Variants in CDK8 observed in about 807,000 individuals in gnomAD.
CDK8 encodes the protein cyclin dependent kinase 8, also known as cyclin-dependent kinase 8.
Under a neutral mutation model 71.5 loss-of-function variants are expected in CDK8, and 29 were observed. The observed-to-expected ratio is 0.41, with a 90% CI of 0.30 to 0.55. CDK8 has a LOEUF of 0.55. CDK8 is among the 20% of genes least tolerant of loss of function. The pLI is 0.37. For synonymous variants in CDK8, 161 were observed against 192.1 expected, an observed-to-expected ratio of 0.84 and a Z score of 1.34; for missense variants, 288 against 572.6, an observed-to-expected ratio of 0.50 and a Z score of 5.07.
At chr13:26,298,473 T>G (rs927624558) in intron 1 of CDK8, among the ~76,000 whole-genome samples, 2 of 152,186 alleles carry the variant, frequency 1.3e-5, no homozygotes, top group Non-Finnish European at 2.9e-5. Context: ...GGAAAGACTT[T>G]GCAAAGCTCT....
intron 1 of CDK8, among the ~76,000 whole-genome samples, chr13:26,296,041 T>C (rs1189630563): frequency 2.6e-5 from 4 of 152,148 alleles, no homozygotes; most frequent in Non-Finnish European, 4.4e-5. Context: ...AGGATTATGA[T>C]TAGAGTCTGC....
intron 1 of CDK8, among the ~76,000 whole-genome samples, chr13:26,279,149 G>T (rs766054732): frequency 2.0e-5 from 3 of 152,020 alleles, no homozygotes; most frequent in Non-Finnish European, 2.9e-5. Flanking sequence ...AAAAAGGTAG[G>T]GTGGGGGTGG....
At chr13:26,274,171 T>C (rs1872464561) in intron 1 of CDK8, among the ~76,000 whole-genome samples, 1 of 152,146 alleles carries the variant, frequency 6.6e-6, no homozygotes, top group African/African-American at 2.4e-5. Flanking sequence ...TTTTGATATA[T>C]GAAGCTAGAT....
intron 4 of CDK8, among the ~76,000 whole-genome samples, chr13:26,370,635 G>T (rs142732056): frequency 1.3e-5 from 2 of 152,128 alleles, no homozygotes; most frequent in Non-Finnish European, 2.9e-5. Flanking sequence ...AAACAGTCAC[G>T]ATACAGGATT....
At chr13:26,257,651 G>C (rs551385051) in intron 1 of CDK8, among the ~76,000 whole-genome samples, 9 of 152,194 alleles carry the variant, frequency 5.9e-5, no homozygotes, top group Middle Eastern at 6.8e-3. Context: ...CAGAGTTTAG[G>C]CAACCAAACT....
chr13:26,339,597 T>G (rs1235860932), intron 2 of CDK8, among the ~76,000 whole-genome samples: 2 of 148,438 alleles, frequency 1.3e-5, no homozygotes, highest in Non-Finnish European at 3.0e-5. Context: ...CTAATTAGTT[T>G]TTTTTTTTTT....
At chr13:26,266,178 A>T (rs114575573) in intron 1 of CDK8, among the ~76,000 whole-genome samples, 49 of 152,320 alleles carry the variant, frequency 3.2e-4, no homozygotes, top group African/African-American at 1.2e-3. Context: ...GAGCTTTGAT[A>T]TGTTGACTTT....
intron 1 of CDK8, among the ~76,000 whole-genome samples, chr13:26,327,565 A>G (rs1297583530): frequency 6.6e-6 from 1 of 152,254 alleles, no homozygotes; most frequent in African/African-American, 2.4e-5. Context: ...GCGGTGGCTC[A>G]TGCCTGTAAT....
At chr13:26,283,175 A>AGTCC (rs1872837800) in intron 1 of CDK8, among the ~76,000 whole-genome samples, 2 of 152,266 alleles carry the variant, frequency 1.3e-5, no homozygotes, top group Admixed American at 6.5e-5. Context: ...AATGGACTTA[A>AGTCC]ACTATACCAT....
chr13:26,319,740 TC>T, intron 1 of CDK8, among the ~76,000 whole-genome samples: 1 of 151,558 alleles, frequency 6.6e-6, no homozygotes, highest in Non-Finnish European at 1.5e-5. Flanking sequence ...ATATAGAATG[TC>T]TGGGGACTCC....
intron 4 of CDK8, among the ~76,000 whole-genome samples, chr13:26,377,159 G>A (rs1874993595): frequency 6.6e-6 from 1 of 152,238 alleles, no homozygotes; most frequent in South Asian, 2.1e-4. Flanking sequence ...TGATTTTTGA[G>A]TACTGCCAGT....
At chr13:26,360,737 A>C (rs768513385) in intron 4 of CDK8, among the ~76,000 whole-genome samples, 5 of 152,224 alleles carry the variant, frequency 3.3e-5, no homozygotes, top group African/African-American at 7.2e-5. Flanking sequence ...AACAGAAACA[A>C]AGTGGCTTCC....
intron 1 of CDK8, among the ~76,000 whole-genome samples, chr13:26,263,240 A>G (rs968087905): frequency 2.0e-5 from 3 of 151,916 alleles, no homozygotes; most frequent in African/African-American, 4.8e-5. Context: ...GGTTCACGCC[A>G]TTCTCCTGCC....
At chr13:26,265,151 A>C (rs2137860419) in intron 1 of CDK8, among the ~76,000 whole-genome samples, 1 of 152,178 alleles carries the variant, frequency 6.6e-6, no homozygotes, top group African/African-American at 2.4e-5. Context: ...TTTTTGAGAA[A>C]TCTTCGTACT....
chr13:26,336,638 C>T (rs1873002026), intron 1 of CDK8, among the ~76,000 whole-genome samples: 1 of 149,724 alleles, frequency 6.7e-6, no homozygotes, highest in Non-Finnish European at 1.5e-5. Flanking sequence ...ACTGCAAGCT[C>T]CACCTCCTGG....
intron 2 of CDK8, among the ~76,000 whole-genome samples, chr13:26,340,767 A>T (rs1873206520): frequency 6.6e-6 from 1 of 152,094 alleles, no homozygotes; most frequent in East Asian, 1.9e-4. Context: ...TTACTTTGTT[A>T]TCTGTTCCCC....
chr13:26,320,667 C>G (rs1175839078), intron 1 of CDK8, among the ~76,000 whole-genome samples: 1 of 152,050 alleles, frequency 6.6e-6, no homozygotes, highest in Non-Finnish European at 1.5e-5. Context: ...TAGAGAGCTC[C>G]TGGAACTCAA....
intron 1 of CDK8, among the ~76,000 whole-genome samples, chr13:26,309,398 C>G (rs1178748467): frequency 6.6e-6 from 1 of 152,084 alleles, no homozygotes; most frequent in Non-Finnish European, 1.5e-5. Context: ...CTCGGCCTCC[C>G]AAAGTGCTGG....
At chr13:26,300,820 A>G (rs974093522) in intron 1 of CDK8, among the ~76,000 whole-genome samples, 1 of 152,220 alleles carries the variant, frequency 6.6e-6, no homozygotes, top group Admixed American at 6.5e-5. Context: ...CTCTAAAAAG[A>G]CATTAAATTA....
Sources: gnomAD v4.1 joint callset for allele counts (sites outside exome capture counted in the v4.1 genomes callset) on GRCh38, gnomAD v4.1.1 for gene constraint, MANE v1.5 for transcripts, NCBI Gene and HGNC (gene_info 2026-07-23, HGNC 2026-07-21) for gene names.